EPS8: variants seen among roughly 807,000 people sequenced by gnomAD.
EPS8 encodes EGFR pathway substrate 8, signaling adaptor, also known as epidermal growth factor receptor kinase substrate 8.
In EPS8, 42 loss-of-function variants were observed where a neutral mutation model predicts 103.8. The ratio of observed to expected loss-of-function variants is 0.40; its 90% confidence interval spans 0.32 to 0.52. The LOEUF is 0.52. Ranked by LOEUF, EPS8 falls within the 20% of genes least tolerant of loss-of-function variation. The pLI is 0.40. For synonymous variants in EPS8, 344 were observed against 344.6 expected (o/e 1.00, Z 0.02); for missense variants, 969 against 1,005.1 (o/e 0.96, Z 0.49).
chr12:15,788,053 C>G (rs971771940), intron 1 of EPS8: 1 of 152,084 alleles, frequency 6.6e-6, no homozygotes, highest in Non-Finnish European at 1.5e-5. Flanking sequence ...AAACTAGAGG[C>G]AATACACAAC....
chr12:15,644,168 C>A (rs1457750235), intron 15 of EPS8, among the ~76,000 whole-genome samples: 9 of 152,214 alleles, frequency 5.9e-5, no homozygotes, highest in Admixed American at 5.9e-4. Flanking sequence ...CCAATCCCAG[C>A]AGCCATACTT....
chr12:15,703,854 T>G (rs947898338), intron 1 of EPS8, among the ~76,000 whole-genome samples: 3 of 145,162 alleles, frequency 2.1e-5, no homozygotes, highest in South Asian at 2.2e-4. Context: ...TTTGTTTTTT[T>G]TTTTTTTTTT....
intron 1 of EPS8, among the ~76,000 whole-genome samples, chr12:15,718,295 T>C (rs1406174729): frequency 6.6e-6 from 1 of 152,200 alleles, no homozygotes; most frequent in Non-Finnish European, 1.5e-5. Context: ...TAAAATACAG[T>C]AACTAGCAGT....
At position 15,760,423 on chromosome 12, in the gene EPS8, G is replaced by A. The variant is rs909712437; in HGVS notation, c.-22+28738C>T. 2.6e-5 allele frequency among the ~76,000 whole-genome samples: 4 copies of A among 152,068 alleles called. No individual in the cohort carries two copies. Among genetic ancestry groups the A allele is most frequent in the African/African-American group, 9.7e-5 (4 of 41,442 alleles). ...CTACTCAAACTATTCTGAAAACATA[G>A]AGGAGAGGGTAATACTTCCAAACTC... On this transcript the variant is annotated intron_variant, in intron 1 of 20. Transcript: ENST00000281172. This position sits in a 1 kb window ranked among gnomAD's most constrained non-coding sequence, Gnocchi z 4.5.
Position 15,727,777 on chromosome 12 carries a change from G to C in EPS8, c.-21-44805C>G, listed in dbSNP as rs188266017. 2.0e-5 allele frequency among the ~76,000 whole-genome samples: 3 copies of C among 151,982 alleles called. No homozygotes were observed. In the South Asian group the frequency reaches 6.2e-4, roughly 32 times the overall value. On this transcript the variant is annotated intron_variant, in intron 1 of 20. Coordinates refer to ENST00000281172, the MANE Select transcript of EPS8 (RefSeq NM_004447.6). This position sits in a 1 kb window ranked among gnomAD's most constrained non-coding sequence, Gnocchi z 4.3. The stretch of plus-strand genomic sequence containing the variant: ...GGAGGCTGAGGCAGGAGAATCACTC[G>C]AACCTGGGAGGTGGAGGTTGCAGTG...
At position 15,684,625 on chromosome 12, in the gene EPS8, C is replaced by T. The variant is rs114349988; in HGVS notation, c.-21-1653G>A. Among the ~76,000 whole-genome samples, 1,455 of 151,984 alleles carry T rather than the reference C, an allele frequency of 9.6e-3. 32 individuals are homozygous for T. The highest frequency in any genetic ancestry group is 0.033 in the African/African-American group (1,358 of 41,344). Reference sequence around the variant, plus strand: ...TAAAACAAATAGTAAGGAATTAAGTCCCAACATATGTAGCTCTATTTTAAA... The same window carrying T: ...TAAAACAAATAGTAAGGAATTAAGTTCCAACATATGTAGCTCTATTTTAAA... On this transcript the variant is annotated intron_variant, in intron 1 of 20. Transcript: ENST00000281172. This position sits in a 1 kb window ranked among gnomAD's most constrained non-coding sequence, Gnocchi z 4.9.
chr12:15,703,725 C>G (rs959385862), intron 1 of EPS8, among the ~76,000 whole-genome samples: 4 of 150,318 alleles, frequency 2.7e-5, no homozygotes, highest in African/African-American at 9.8e-5. Context: ...TTCTGGAAGG[C>G]AGACTAGATC....
intron 2 of EPS8, among the ~76,000 whole-genome samples, chr12:15,681,587 G>A (rs1946008113): frequency 6.6e-6 from 1 of 151,396 alleles, no homozygotes; most frequent in African/African-American, 2.4e-5. Context: ...AAAATTAGCC[G>A]GGCGTTGTGG....
chr12:15,758,407 G>T (rs1947009323), intron 1 of EPS8, among the ~76,000 whole-genome samples: 1 of 152,178 alleles, frequency 6.6e-6, no homozygotes, highest in Non-Finnish European at 1.5e-5. Context: ...AAAAGAGGTG[G>T]GGTACATTCC....
At chr12:15,653,434 C>T (rs929439898) in intron 13 of EPS8, among the ~76,000 whole-genome samples, 4 of 152,158 alleles carry the variant, frequency 2.6e-5, no homozygotes, top group Admixed American at 6.5e-5. Flanking sequence ...TAATACCATC[C>T]GCCTCCCGCC....
chr12:15,640,516 A>C (rs1216728689), intron 17 of EPS8, among the ~76,000 whole-genome samples, 187 bp downstream of exon 17: 2 of 152,238 alleles, frequency 1.3e-5, no homozygotes, highest in African/African-American at 4.8e-5. Flanking sequence ...GAAGTAAATC[A>C]GAAAACATAT....
Position 15,696,042 on chromosome 12 carries a change from G to A in EPS8, c.-21-13070C>T, listed in dbSNP as rs1946239017. Reference sequence around the variant, plus strand: ...ATGAACTTCTCAAAAGTATGGGACTGAGAGATTCATTCTGAAAATGTTCTC... The same window carrying A: ...ATGAACTTCTCAAAAGTATGGGACTAAGAGATTCATTCTGAAAATGTTCTC... On this transcript the variant is annotated intron_variant, in intron 1 of 20. Coordinates refer to ENST00000281172, the MANE Select transcript of EPS8 (RefSeq NM_004447.6). The surrounding 1 kb of genome is among the most constrained non-coding windows in gnomAD (Gnocchi z 4.8). Among the ~76,000 whole-genome samples the A allele has an allele frequency of 6.6e-6, 1 of 152,194 alleles. No homozygotes were observed. The highest frequency in any genetic ancestry group is 2.1e-4 in the South Asian group (1 of 4,820).
At chr12:15,662,685 A>C (rs1945626487) in intron 8 of EPS8, 8 of 980,092 alleles carry the variant, frequency 8.2e-6, no homozygotes, top group Non-Finnish European at 9.7e-6. Context: ...AAGACCATTC[A>C]GGGTATTAAG....
rs71459194 is a variant in EPS8 at position 15,706,204 on chromosome 12, A to G, written c.-21-23232T>C. On this transcript the variant is annotated intron_variant, in intron 1 of 20. Coordinates refer to ENST00000281172, the MANE Select transcript of EPS8 (RefSeq NM_004447.6). The surrounding 1 kb of genome is among the most constrained non-coding windows in gnomAD (Gnocchi z 5.2). ...GCTAAGTGGGAGGGGATCCCTGGCA[A>G]AGCTCCTGCCGGCCTGTGCACTGGG... 0.12 allele frequency among the ~76,000 whole-genome samples: 17,864 copies of G among 152,136 alleles called. 1,352 individuals are homozygous for G. The highest frequency in any genetic ancestry group is 0.18 in the Middle Eastern group (53 of 294).
rs1193620796 is a variant in EPS8, at chr12:15,725,217, CT to C, written c.-21-42246del. ...TGCTAGATAACTGAAGCAATTTCTACTCGTTTATGGGGACTGTCTGGAATTT... is the reference window on the plus strand; with the variant it reads ...TGCTAGATAACTGAAGCAATTTCTACCGTTTATGGGGACTGTCTGGAATTT... On this transcript the variant is annotated intron_variant, in intron 1 of 20. Coordinates refer to ENST00000281172, the MANE Select transcript of EPS8 (RefSeq NM_004447.6). This position sits in a 1 kb window ranked among gnomAD's most constrained non-coding sequence, Gnocchi z 4.5. Among the ~76,000 whole-genome samples the C allele has an allele frequency of 3.3e-5, 5 of 152,094 alleles. No individual in the cohort carries two copies. Among genetic ancestry groups the C allele is most frequent in the African/African-American group, 1.2e-4 (5 of 41,422 alleles).
intron 3 of EPS8, among the ~76,000 whole-genome samples, chr12:15,671,471 T>C (rs1157779097): frequency 6.6e-6 from 1 of 152,080 alleles, no homozygotes; most frequent in Non-Finnish European, 1.5e-5. Flanking sequence ...ATTAACAGTT[T>C]TCACACATCT....
At position 15,751,576 on chromosome 12, in the gene EPS8, A is replaced by C. The variant is rs1444829624; in HGVS notation, c.-22+37585T>G. Among the ~76,000 whole-genome samples, 1 of 152,144 alleles carries C rather than the reference A, an allele frequency of 6.6e-6. No individual in the cohort carries two copies. The highest frequency in any genetic ancestry group is 2.4e-5 in the African/African-American group (1 of 41,410). On this transcript the variant is annotated intron_variant, in intron 1 of 20. Coordinates refer to ENST00000281172, the MANE Select transcript of EPS8 (RefSeq NM_004447.6). This position sits in a 1 kb window ranked among gnomAD's most constrained non-coding sequence, Gnocchi z 4.3. ...CACTTATTCAACAAATATTTAATGG[A>C]CAGATTCAATACTGGGCAGTTTCAG... is the stretch of plus-strand genomic sequence containing the variant.
chr12:15,650,543 C>G (rs376589442), intron 14 of EPS8, among the ~76,000 whole-genome samples: 7 of 151,622 alleles, frequency 4.6e-5, no homozygotes, highest in South Asian at 4.2e-4. Context: ...GACTTAGGAT[C>G]GCCAGAGCCA....
rs1308946222 is a variant in EPS8, at chr12:15,736,217, A to G, written c.-22+52944T>C. ...TGTGTTTTAAACCAAAAACTATCCT[A>G]GTATCATGTCACTTTAATGAACTGT... On this transcript the variant is annotated intron_variant, in intron 1 of 20. Coordinates refer to ENST00000281172, the MANE Select transcript of EPS8 (RefSeq NM_004447.6). This position sits in a 1 kb window ranked among gnomAD's most constrained non-coding sequence, Gnocchi z 4.2. 1.3e-5 allele frequency among the ~76,000 whole-genome samples: 2 copies of G among 152,212 alleles called. No homozygotes were observed. The highest frequency in any genetic ancestry group is 2.9e-5 in the Non-Finnish European group (2 of 68,048).
Sources: gnomAD v4.1 joint callset for allele counts (sites outside exome capture counted in the v4.1 genomes callset) on GRCh38, gnomAD v4.1.1 for gene constraint, Gnocchi (gnomAD v3.1) non-coding constraint, MANE v1.5 for transcripts, NCBI Gene and HGNC (gene_info 2026-07-23, HGNC 2026-07-21) for gene names.